Variants in NEXN observed in about 807,000 individuals in gnomAD.
The protein encoded by NEXN is nexilin.
A neutral mutation model predicts 92.6 loss-of-function variants in NEXN; 65 were observed. The observed-to-expected ratio is 0.70, with a 90% CI of 0.57 to 0.86. The LOEUF is 0.86. Ranked by LOEUF, NEXN falls within the 40% of genes least tolerant of loss-of-function variation. The pLI, the probability that NEXN is intolerant of heterozygous loss-of-function variation, is 0.00. For missense variants in NEXN, 778 were observed against 771.1 expected (o/e 1.01, Z -0.11); for synonymous variants, 254 against 242.5 (o/e 1.05, Z -0.44).
At chr1:77,941,894 T>A in intron 11 of NEXN, 129 bp from the exon 12 acceptor site, 1 of 869,224 alleles carries the variant, frequency 1.2e-6, no homozygotes, top group Non-Finnish European at 1.8e-6. Context: ...TCTGAGTGTC[T>A]GCAGTGTAGC....
At chr1:77,896,138 TC>T (rs796928481) in intron 1 of NEXN, among the ~76,000 whole-genome samples, 1 of 149,262 alleles carries the variant, frequency 6.7e-6, no homozygotes, top group South Asian at 2.1e-4. Flanking sequence ...ACCACTGCTC[TC>T]CAGCTTGGGT....
chr1:77,933,053 T>TG (rs1450962716), intron 9 of NEXN: 75 of 361,224 alleles, frequency 2.1e-4, no homozygotes, highest in African/African-American at 1.5e-3. Context: ...CCCAGCTACT[T>TG]GGGAGGCTGA....
Position 77,935,813 on chromosome 1 carries a change from T to A in NEXN, c.1252-10T>A. 1 of 1,608,226 alleles carries A rather than the reference T, an allele frequency of 6.2e-7. No homozygotes were observed. The stretch of plus-strand genomic sequence containing the variant: ...AACAGCAGCAACAAACTTATTAATT[T>A]TTTTTGAAGGAAGAGGAAGAAAATG... On this transcript the variant is annotated splice_polypyrimidine_tract_variant and intron_variant, in intron 10 of 12. Coordinates refer to ENST00000334785, the MANE Select transcript of NEXN (RefSeq NM_144573.4).
intron 1 of NEXN, among the ~76,000 whole-genome samples, chr1:77,893,320 C>T (rs1043663122): frequency 6.6e-6 from 1 of 152,066 alleles, no homozygotes; most frequent in Non-Finnish European, 1.5e-5. Context: ...CTTCCTATTC[C>T]CAGCTGTGTC....
chr1:77,935,663 T>C (rs1650688501), intron 10 of NEXN, among the ~76,000 whole-genome samples, 160 bp from the exon 11 acceptor site: 1 of 152,214 alleles, frequency 6.6e-6, no homozygotes. Flanking sequence ...TTCAATCTTT[T>C]TTTTTTGAGT....
At chr1:77,890,246 G>A (rs1164117239) in intron 1 of NEXN, among the ~76,000 whole-genome samples, 1 of 152,102 alleles carries the variant, frequency 6.6e-6, no homozygotes, top group African/African-American at 2.4e-5. Flanking sequence ...AAAGAAAAAT[G>A]CATGCAATTA....
At chr1:77,933,246 T>C (rs1338960453) in intron 9 of NEXN, 36 bp from the exon 10 acceptor site, 1 of 1,281,458 alleles carries the variant, frequency 7.8e-7, no homozygotes. Context: ...GTATGTGTAA[T>C]TCTGGCCAGA....
At chr1:77,935,770 T>C in intron 10 of NEXN, 53 bp from the exon 11 acceptor site, 1 of 1,519,914 alleles carries the variant, frequency 6.6e-7, no homozygotes, top group Non-Finnish European at 9.1e-7. Flanking sequence ...CTTGGCAACA[T>C]AGTGAGACTC....
rs963924667 is a variant in NEXN at position 77,891,695 on chromosome 1, G to A, written c.-53+2936G>A. ...CTAAGGCTATGGCAGTCAAAAAGTC[G>A]ACAGTCAAAAAGACACCTTTTACTT... On this transcript the variant is annotated intron_variant, in intron 1 of 12. Transcript: ENST00000334785. Among the ~76,000 whole-genome samples the A allele has an allele frequency of 2.0e-4, 29 of 144,130 alleles. 1 individual carries two copies. The highest frequency in any genetic ancestry group is 7.3e-4 in the African/African-American group (28 of 38,612). 94.6% of individuals were successfully genotyped at this position (144,130 alleles called of 152,430 possible).
Position 77,943,880 on chromosome 1 carries a change from A to C in NEXN, c.*1051A>C, listed in dbSNP as rs766756870. The C allele has an allele frequency of 2.5e-5, 4 of 158,144 alleles. No homozygotes were observed. The highest frequency in any genetic ancestry group is 5.6e-5 in the Non-Finnish European group (4 of 71,550). 9.8% of individuals were successfully genotyped at this position (158,144 alleles called of 1,614,324 possible). On this transcript the variant is annotated 3_prime_UTR_variant, in exon 13 of 13. Coordinates refer to ENST00000334785, the MANE Select transcript of NEXN (RefSeq NM_144573.4). The stretch of plus-strand genomic sequence containing the variant: ...TTACAACGTGAACCCAAATAAAGTA[A>C]CTTCTGTATTTAAAAGTCTTTCTGT...
chr1:77,926,317 G>A (rs1649834342), intron 6 of NEXN, 97 bp from the exon 7 acceptor site: 1 of 755,756 alleles, frequency 1.3e-6, no homozygotes, highest in Non-Finnish European at 2.3e-6. Context: ...TAACATTGAT[G>A]ACAGTGTAAT....
At chr1:77,900,779 C>G (rs1348755500) in intron 1 of NEXN, among the ~76,000 whole-genome samples, 1 of 152,158 alleles carries the variant, frequency 6.6e-6, no homozygotes, top group Non-Finnish European at 1.5e-5. Flanking sequence ...CTTTTGATCA[C>G]TGGTTTCTTT....
At chr1:77,918,865 G>A (rs1258989993) in intron 5 of NEXN, among the ~76,000 whole-genome samples, 1 of 152,092 alleles carries the variant, frequency 6.6e-6, no homozygotes, top group Non-Finnish European at 1.5e-5. Context: ...TTACAAGTTA[G>A]AGAATTTTAC....
intron 1 of NEXN, among the ~76,000 whole-genome samples, chr1:77,905,620 A>G (rs1004767445): frequency 2.6e-5 from 4 of 152,180 alleles, no homozygotes; most frequent in Admixed American, 6.5e-5. Flanking sequence ...ATAATGGTGT[A>G]CAAAACACAG....
chr1:77,928,913 A>C (rs1303503286), intron 8 of NEXN, among the ~76,000 whole-genome samples: 3 of 152,022 alleles, frequency 2.0e-5, no homozygotes, highest in Non-Finnish European at 4.4e-5. Context: ...CACTGGCTAT[A>C]ATGTGTTTTT....
chr1:77,893,262 C>T (rs1050913834), intron 1 of NEXN, among the ~76,000 whole-genome samples: 1 of 151,968 alleles, frequency 6.6e-6, no homozygotes, highest in Non-Finnish European at 1.5e-5. Context: ...TACTGTTTTT[C>T]TTTTGCCTCC....
At chr1:77,925,274 T>G in intron 6 of NEXN, 45 bp downstream of exon 6, 1 of 1,322,844 alleles carries the variant, frequency 7.6e-7, no homozygotes, top group Non-Finnish European at 1.1e-6. Flanking sequence ...TAAAATTATC[T>G]GATTCACAAA....
intron 1 of NEXN, among the ~76,000 whole-genome samples, chr1:77,896,861 A>G (rs1477076838): frequency 1.3e-5 from 2 of 152,148 alleles, no homozygotes; most frequent in African/African-American, 2.4e-5. Flanking sequence ...ACAAACTACC[A>G]TCAGAGAATA....
intron 6 of NEXN, 43 bp from the exon 7 acceptor site, chr1:77,926,371 T>A: frequency 7.0e-7 from 1 of 1,432,874 alleles, no homozygotes; most frequent in South Asian, 1.2e-5. Flanking sequence ...AAACCCAATT[T>A]TGATTAAGAA....
Sources: allele counts gnomAD v4.1 joint callset (sites outside exome capture counted in the v4.1 genomes callset), GRCh38; gene constraint gnomAD v4.1.1; transcripts MANE v1.5; gene names NCBI Gene and HGNC (gene_info 2026-07-23, HGNC 2026-07-21).